ZMIZ2: variants seen among roughly 807,000 people sequenced by gnomAD.
ZMIZ2 encodes the protein zinc finger MIZ-type containing 2.
ZMIZ2 carries 26 observed loss-of-function variants against 93.9 expected under a neutral mutation model. That is an observed-to-expected ratio of 0.28 (90% confidence interval 0.20 to 0.38). The LOEUF is 0.38. ZMIZ2 is among the 10% of genes least tolerant of loss of function. The pLI, the probability that ZMIZ2 is intolerant of heterozygous loss-of-function variation, is 1.00. For synonymous variants in ZMIZ2, 485 were observed against 516.4 expected, an observed-to-expected ratio of 0.94 and a Z score of 0.82; for missense variants, 1,023 against 1,235.0, an observed-to-expected ratio of 0.83 and a Z score of 2.57.
intron 1 of ZMIZ2, among the ~76,000 whole-genome samples, chr7:44,752,423 G>C (rs1025138774): frequency 6.6e-6 from 1 of 151,990 alleles, no homozygotes; most frequent in Non-Finnish European, 1.5e-5. Flanking sequence ...GATTACAGGC[G>C]TGAGCCACCG....
chr7:44,757,723 G>A, intron 5 of ZMIZ2, 125 bp from the exon 6 acceptor site: 2 of 1,431,232 alleles, frequency 1.4e-6, no homozygotes, highest in Non-Finnish European at 1.9e-6. Context: ...TCTGAGGGGA[G>A]AGGTTTCTGG....
chr7:44,767,066 C>G (rs750245738), intron 18 of ZMIZ2, among the ~76,000 whole-genome samples: 2 of 152,102 alleles, frequency 1.3e-5, no homozygotes, highest in Non-Finnish European at 2.9e-5. Context: ...GAAACTCATT[C>G]TAGAAGTTCA....
rs968075758 is a variant in ZMIZ2, at chr7:44,769,709, A to C, written c.*2086A>C. On this transcript the variant is annotated 3_prime_UTR_variant, in exon 19 of 19. Transcript: ENST00000309315. Reference sequence around the variant, plus strand: ...GAAACTAGGAGACTGGGACAAGCAAAAGGCTGCAAACAACCCAGAAGCCCA... The same window carrying C: ...GAAACTAGGAGACTGGGACAAGCAACAGGCTGCAAACAACCCAGAAGCCCA... The C allele has an allele frequency of 6.6e-6, 1 of 152,440 alleles. No individual in the cohort carries two copies. Among genetic ancestry groups the C allele is most frequent in the African/African-American group, 2.4e-5 (1 of 41,454 alleles). 9.4% of individuals were successfully genotyped at this position (152,440 alleles called of 1,614,324 possible). A position where few individuals can be genotyped will look rare whatever the true frequency, so the allele number is the denominator to read the frequency against.
chr7:44,760,848 T>TAAA (rs11323295), intron 9 of ZMIZ2, among the ~76,000 whole-genome samples: 1 of 136,138 alleles, frequency 7.3e-6, no homozygotes, highest in Non-Finnish European at 1.6e-5. Flanking sequence ...GACCCTGTCT[T>TAAA]AAAAAAAAAA....
rs770223793 is a variant in ZMIZ2, at chr7:44,761,856, G to A, written c.1547G>A (p.Cys516Tyr). The A allele has an allele frequency of 2.5e-6, 4 of 1,613,988 alleles. No individual in the cohort carries two copies. The South Asian group carries it at 4.4e-5, about 18-fold the overall frequency. The change falls in exon 11 of 19, where the codon TGC becomes TAC. Residue 516 changes from cysteine (C) to tyrosine (Y), a missense_variant. Cys to Tyr is a radical substitution (Grantham distance 194, BLOSUM62 -2). Around this residue, in one of 3 missense-constraint regions of ZMIZ2, gnomAD observed 656 missense variants for 777.1 expected, o/e 0.84. Coordinates refer to ENST00000309315, the MANE Select transcript of ZMIZ2 (RefSeq NM_031449.4). The surrounding 1 kb of genome is among the most constrained non-coding windows in gnomAD (Gnocchi z 5.8). ...AAGCCACTCTACCTGAAGCATGTGT[G>A]CCAGCCAGGCCGCAACACCATCCAG... ...SHKPLYLKHVCQPGRNTIQIT... is the reference protein window; with the variant it reads ...SHKPLYLKHVYQPGRNTIQIT...
chr7:44,766,746 GA>G lies in ZMIZ2; in HGVS notation c.2655+85del. 1 of 1,566,900 alleles carries G rather than the reference GA, an allele frequency of 6.4e-7. No individual in the cohort carries two copies. Reference sequence around the variant, plus strand: ...TCTGTTCCAGGTGCGTTCTGGAAGGGAAGACAGTGACCCCTCAGAGAGCCGG... The same window carrying G: ...TCTGTTCCAGGTGCGTTCTGGAAGGGAGACAGTGACCCCTCAGAGAGCCGG... On this transcript the variant is annotated intron_variant, in intron 18 of 18. Transcript: ENST00000309315. This position sits in a 1 kb window ranked among gnomAD's most constrained non-coding sequence, Gnocchi z 4.4.
chr7:44,751,838 C>T (rs1790174459), intron 1 of ZMIZ2, among the ~76,000 whole-genome samples: 1 of 151,992 alleles, frequency 6.6e-6, no homozygotes, highest in Non-Finnish European at 1.5e-5. Context: ...TGGTGTACAC[C>T]TGTAGTCCAG....
chr7:44,761,861 C>A lies in ZMIZ2; in HGVS notation c.1552C>A (p.Pro518Thr). 6.2e-7 allele frequency: 1 copy of A among 1,614,014 alleles called. No individual in the cohort carries two copies. Among genetic ancestry groups the A allele is most frequent in the Non-Finnish European group, 8.5e-7 (1 of 1,180,048 alleles). The stretch of plus-strand genomic sequence containing the variant: ...ACTCTACCTGAAGCATGTGTGCCAG[C>A]CAGGCCGCAACACCATCCAGATCAC... ...KPLYLKHVCQ[P>T]GRNTIQITVT... The change falls in exon 11 of 19, where the codon CCA becomes ACA. Residue 518 changes from proline to threonine, a missense_variant. Physicochemically the swap from Pro to Thr is conservative, Grantham distance 38. Transcript: ENST00000309315. The surrounding 1 kb of genome is among the most constrained non-coding windows in gnomAD (Gnocchi z 5.8).
chr7:44,754,330 C>T (rs745616822), intron 1 of ZMIZ2, among the ~76,000 whole-genome samples: 3 of 152,216 alleles, frequency 2.0e-5, no homozygotes, highest in Non-Finnish European at 4.4e-5. Flanking sequence ...CCCCTGCTTC[C>T]TGGGCAGGAC....
chr7:44,756,533 G>A lies in ZMIZ2; in HGVS notation c.159G>A (p.Gln53=), dbSNP rs530185242. Residue 53 remains glutamine, a synonymous_variant, in exon 3 of 19, where the codon CAG becomes CAA. Coordinates refer to ENST00000309315, the MANE Select transcript of ZMIZ2 (RefSeq NM_031449.4). ...TTVWGVGNAT[Q]SQVLGNPMGP... Reference sequence around the variant, plus strand: ...TGTGGGGAGTTGGCAACGCGACACAGAGCCAGGTAAGCACCCACTGGTGCC... The same window carrying A: ...TGTGGGGAGTTGGCAACGCGACACAAAGCCAGGTAAGCACCCACTGGTGCC... 3.7e-6 allele frequency: 6 copies of A among 1,613,996 alleles called. No homozygotes were observed. The Admixed American group carries it at 8.3e-5, about 22-fold the overall frequency.
At chr7:44,754,987 C>G (rs576939475) in intron 1 of ZMIZ2, among the ~76,000 whole-genome samples, 13 of 152,280 alleles carry the variant, frequency 8.5e-5, no homozygotes, top group Non-Finnish European at 1.8e-4. Context: ...GGCAGGGCTC[C>G]AGGGCATGTC....
In ZMIZ2 at chr7:44,760,238, C is replaced by G. The variant is rs1452562077; in HGVS notation, c.1071+10C>G. 3 of 1,609,188 alleles carry G rather than the reference C, an allele frequency of 1.9e-6. No homozygotes were observed. The Admixed American group carries it at 5.1e-5, about 27-fold the overall frequency. On this transcript the variant is annotated intron_variant, in intron 8 of 18. Coordinates refer to ENST00000309315, the MANE Select transcript of ZMIZ2 (RefSeq NM_031449.4). ...ACCTGGCCTGAGTGGGGTAGGGGGC[C>G]TGGCCGGGAGGATGGGCCGGGAGGC...
chr7:44,761,552 C>T lies in ZMIZ2; in HGVS notation c.1344C>T (p.Val448=). 6.2e-7 allele frequency: 1 copy of T among 1,614,116 alleles called. No homozygotes were observed. Among genetic ancestry groups the T allele is most frequent in the South Asian group, 1.1e-5 (1 of 91,088 alleles). Reference sequence around the variant, plus strand: ...ACAACCTGGCTGTAAGCAACCATGTCTTCCAGCTGCGAGACTCAGTCTACA... The same window carrying T: ...ACAACCTGGCTGTAAGCAACCATGTTTTCCAGCTGCGAGACTCAGTCTACA... ...LQHNLAVSNH[V]FQLRDSVYKT... is the part of the protein sequence containing the mutation. Residue 448 remains valine, a synonymous_variant, in exon 10 of 19, where the codon GTC becomes GTT. Coordinates refer to ENST00000309315, the MANE Select transcript of ZMIZ2 (RefSeq NM_031449.4). The surrounding 1 kb of genome is among the most constrained non-coding windows in gnomAD (Gnocchi z 5.8).
In ZMIZ2 at chr7:44,761,601, CCG is replaced by C; in HGVS notation, c.1385+10_1385+11del. ...CAAGACCCTGATAATGAGGTGAGCT[CCG>C]CCTGGCCCCCACCTGACCCCCACGA... On this transcript the variant is annotated intron_variant, in intron 10 of 18. Transcript: ENST00000309315. The surrounding 1 kb of genome is among the most constrained non-coding windows in gnomAD (Gnocchi z 5.8). The C allele has an allele frequency of 1.9e-6, 3 of 1,613,950 alleles. No homozygotes were observed. Among genetic ancestry groups the C allele is most frequent in the Non-Finnish European group, 2.5e-6 (3 of 1,179,946 alleles).
chr7:44,767,911 CCA>C lies in ZMIZ2; in HGVS notation c.*297_*298del, dbSNP rs1791878929. ...CCTGCCCAGCCCTGTCCAGCCTTGT[CCA>C]CACACACATCTCACGCCCCTGGTCT... is the stretch of plus-strand genomic sequence containing the variant. On this transcript the variant is annotated 3_prime_UTR_variant, in exon 19 of 19. Coordinates refer to ENST00000309315, the MANE Select transcript of ZMIZ2 (RefSeq NM_031449.4). 2.0e-6 allele frequency: 1 copy of C among 501,584 alleles called. No individual in the cohort carries two copies. Among genetic ancestry groups the C allele is most frequent in the Non-Finnish European group, 3.7e-6 (1 of 273,356 alleles). The allele number at this position is 501,584 out of a possible 1,614,324, so 31.1% of individuals were successfully genotyped here. A position where few individuals can be genotyped will look rare whatever the true frequency, so the allele number is the denominator to read the frequency against.
At position 44,761,878 on chromosome 7, in the gene ZMIZ2, C is replaced by T; in HGVS notation, c.1569C>T (p.Ile523=). 1 of 1,613,822 alleles carries T rather than the reference C, an allele frequency of 6.2e-7. No homozygotes were observed. Among genetic ancestry groups the T allele is most frequent in the Non-Finnish European group, 8.5e-7 (1 of 1,180,030 alleles). ...KHVCQPGRNT[I]QITVTACCCS... is the part of the protein sequence containing the mutation. ...TGTGCCAGCCAGGCCGCAACACCAT[C>T]CAGATCACCGTCACCGCCTGCTGCT... The change falls in exon 11 of 19, where the codon ATC becomes ATT. Residue 523 remains isoleucine (I), a synonymous_variant. Transcript: ENST00000309315. The surrounding 1 kb of genome is among the most constrained non-coding windows in gnomAD (Gnocchi z 5.8).
rs1554320121 is a variant in ZMIZ2, at chr7:44,757,389, G to GC, written c.383dup (p.Leu131ProfsTer13). On this transcript the variant is annotated frameshift_variant, in exon 5 of 19. Transcript: ENST00000309315. LOFTEE classifies it high-confidence loss of function. ...TGTGTCTCCTGCAGGTATGCAGGCG[G>GC]CCCGGGGGGCCTGGGCCTCCCCTCA... 6.2e-7 allele frequency: 1 copy of GC among 1,600,522 alleles called. No individual in the cohort carries two copies. Among genetic ancestry groups the GC allele is most frequent in the Non-Finnish European group, 8.5e-7 (1 of 1,179,086 alleles).
At chr7:44,762,168 A>G (rs909180172) in intron 11 of ZMIZ2, among the ~76,000 whole-genome samples, 4 of 152,330 alleles carry the variant, frequency 2.6e-5, no homozygotes, top group African/African-American at 9.6e-5. Flanking sequence ...TTATTATTTC[A>G]GAAAAATGCG....
intron 7 of ZMIZ2, 69 bp from the exon 8 acceptor site, chr7:44,760,082 G>A: frequency 6.4e-7 from 1 of 1,556,774 alleles, no homozygotes; most frequent in Non-Finnish European, 8.8e-7. Flanking sequence ...GGGCTTCTAG[G>A]GTCAGGTCCA....
Sources: allele counts gnomAD v4.1 joint callset (sites outside exome capture counted in the v4.1 genomes callset), GRCh38; gene constraint gnomAD v4.1.1; regional missense constraint gnomAD v4.1.1; non-coding constraint Gnocchi (gnomAD v3.1); transcripts MANE v1.5; gene names NCBI Gene and HGNC (gene_info 2026-07-23, HGNC 2026-07-21).